The following CCDC148 variants were observed in gnomAD, a reference collection of about 807,000 sequenced individuals.
The protein encoded by CCDC148 is coiled-coil domain-containing protein 148.
A neutral mutation model predicts 85.7 loss-of-function variants in CCDC148; 89 were observed. The observed-to-expected ratio is 1.04, with a 90% CI of 0.87 to 1.24. CCDC148 has a LOEUF of 1.24. CCDC148 is among the 50% of genes most tolerant of loss of function. The probability of loss-of-function intolerance (pLI) is 0.00; values close to 1 mark genes in which losing one functional copy is unlikely to be tolerated. For synonymous variants in CCDC148, 230 were observed against 213.9 expected (o/e 1.08, Z -0.66); for missense variants, 692 against 671.7 (o/e 1.03, Z -0.33).
At chr2:158,395,325 A>T (rs1211564257) in intron 1 of CCDC148, among the ~76,000 whole-genome samples, 7 of 152,082 alleles carry the variant, frequency 4.6e-5, no homozygotes, top group African/African-American at 7.2e-5. Context: ...AATCAATGAC[A>T]CATATTTCTG....
At chr2:158,396,852 T>C (rs904769494) in intron 1 of CCDC148, among the ~76,000 whole-genome samples, 1 of 152,112 alleles carries the variant, frequency 6.6e-6, no homozygotes, top group Non-Finnish European at 1.5e-5. Context: ...TTACTTCTAG[T>C]AGCACTACCA....
In CCDC148 at chr2:158,374,560, C is replaced by T. The variant is rs78554604; in HGVS notation, c.26-15990G>A. Among the ~76,000 whole-genome samples, 53 of 151,946 alleles carry T rather than the reference C, an allele frequency of 3.5e-4. 1 individual carries two copies. The East Asian group carries it at 8.9e-3, about 26-fold the overall frequency. ...GAGAAAAAAAGCCTAAATGCCCACA[C>T]GTAGACCAAACTGAAGAGGATGCTG... On this transcript the variant is annotated intron_variant, in intron 1 of 13. Transcript: ENST00000283233.
At chr2:158,335,487 T>A (rs951131873) in intron 7 of CCDC148, among the ~76,000 whole-genome samples, 1 of 152,132 alleles carries the variant, frequency 6.6e-6, no homozygotes, top group Non-Finnish European at 1.5e-5. Flanking sequence ...AGATGTTTAA[T>A]TGACTCACAG....
intron 7 of CCDC148, among the ~76,000 whole-genome samples, chr2:158,328,843 C>A (rs1356945990): frequency 6.6e-6 from 1 of 152,046 alleles, no homozygotes; most frequent in Non-Finnish European, 1.5e-5. Context: ...TATCCTTCAC[C>A]CACTTTTTGA....
chr2:158,337,013 C>T (rs1332706837), intron 7 of CCDC148, among the ~76,000 whole-genome samples: 2 of 152,180 alleles, frequency 1.3e-5, no homozygotes, highest in African/African-American at 2.4e-5. Flanking sequence ...TTCATCTAAT[C>T]CTCCACTTAA....
rs780530986 is a variant in CCDC148 at position 158,339,045 on chromosome 2, C to G, written c.527G>C (p.Arg176Thr). 6.2e-7 allele frequency: 1 copy of G among 1,613,770 alleles called. No homozygotes were observed. The highest frequency in any genetic ancestry group is 1.3e-5 in the African/African-American group (1 of 74,910). Reference sequence around the variant, plus strand: ...TATTCTCTGTTGCTCCAGCCTAAGTCTTTCAAAGACAGTTTTCAATTGTTT... The same window carrying G: ...TATTCTCTGTTGCTCCAGCCTAAGTGTTTCAAAGACAGTTTTCAATTGTTT... ...VKKQLKTVFERLRLEQQRIEN... is the reference protein window; with the variant it reads ...VKKQLKTVFETLRLEQQRIEN... Residue 176 changes from arginine (R) to threonine (T), a missense_variant, in exon 6 of 14, where the codon AGA (arginine) becomes ACA (threonine). Physicochemically the swap from Arg to Thr is moderately conservative, Grantham distance 71. Coordinates refer to ENST00000283233, the MANE Select transcript of CCDC148 (RefSeq NM_138803.4).
chr2:158,307,451 G>A (rs548253969), intron 9 of CCDC148, among the ~76,000 whole-genome samples: 4 of 152,248 alleles, frequency 2.6e-5, no homozygotes, highest in Admixed American at 6.5e-5. Flanking sequence ...AACTGAATTC[G>A]GTTGCAAATT....
intron 1 of CCDC148, among the ~76,000 whole-genome samples, chr2:158,435,034 C>T (rs1394039811): frequency 1.3e-5 from 2 of 152,114 alleles, no homozygotes; most frequent in Non-Finnish European, 2.9e-5. Context: ...GAGAATGGAA[C>T]CAAGTTGGAA....
intron 1 of CCDC148, among the ~76,000 whole-genome samples, chr2:158,431,797 G>T (rs1366639335): frequency 6.6e-6 from 1 of 152,124 alleles, no homozygotes; most frequent in Non-Finnish European, 1.5e-5. Flanking sequence ...AATTAGCTGG[G>T]TGTGATGGTG....
chr2:158,214,121 T>A (rs1686721504), intron 11 of CCDC148, among the ~76,000 whole-genome samples: 1 of 96,628 alleles, frequency 1.0e-5, no homozygotes, highest in African/African-American at 3.9e-5. Flanking sequence ...AACATTGTGG[T>A]AAAAAAAAAA....
At chr2:158,428,560 A>G (rs1687180654) in intron 1 of CCDC148, among the ~76,000 whole-genome samples, 1 of 151,610 alleles carries the variant, frequency 6.6e-6, no homozygotes, top group Non-Finnish European at 1.5e-5. Flanking sequence ...GCTAGGCTGG[A>G]AATAGAAGTT....
chr2:158,173,655 G>A (rs1353833767), intron 13 of CCDC148, among the ~76,000 whole-genome samples: 3 of 151,962 alleles, frequency 2.0e-5, no homozygotes, highest in Non-Finnish European at 2.9e-5. Flanking sequence ...TCAGATACAG[G>A]GCTTGGGGCA....
At chr2:158,315,091 C>T (rs998541099) in intron 7 of CCDC148, among the ~76,000 whole-genome samples, 1 of 152,174 alleles carries the variant, frequency 6.6e-6, no homozygotes, top group African/African-American at 2.4e-5. Context: ...AAGAGGAATA[C>T]TCTAAAGTTC....
chr2:158,250,743 C>T (rs1390451488), intron 10 of CCDC148, 29 bp downstream of exon 10: 5 of 1,512,778 alleles, frequency 3.3e-6, no homozygotes, highest in Non-Finnish European at 4.4e-6. Flanking sequence ...CATTCATTCA[C>T]ACATTCGTAT....
At chr2:158,416,873 T>C (rs914133512) in intron 1 of CCDC148, among the ~76,000 whole-genome samples, 1 of 152,064 alleles carries the variant, frequency 6.6e-6, no homozygotes, top group African/African-American at 2.4e-5. Flanking sequence ...GGAGACTGAG[T>C]AATTTATAAA....
intron 7 of CCDC148, among the ~76,000 whole-genome samples, chr2:158,327,351 T>C (rs1023404000): frequency 6.6e-6 from 1 of 152,134 alleles, no homozygotes; most frequent in Non-Finnish European, 1.5e-5. Context: ...TCAAACTCTT[T>C]AAGCAAAAAA....
intron 1 of CCDC148, among the ~76,000 whole-genome samples, chr2:158,408,745 CATATATTTTTTGAATATAT>C (rs1686130643): frequency 6.6e-6 from 1 of 151,996 alleles, no homozygotes. Flanking sequence ...CCTTTGAATA[CATATATTTTTTGAATATAT>C]ATATATTTTT....
At chr2:158,446,228 G>C (rs1162816031) in intron 1 of CCDC148, among the ~76,000 whole-genome samples, 2 of 152,072 alleles carry the variant, frequency 1.3e-5, no homozygotes, top group Non-Finnish European at 2.9e-5. Flanking sequence ...GGTGGCCCAT[G>C]CCTGTAGTCC....
intron 10 of CCDC148, among the ~76,000 whole-genome samples, chr2:158,237,733 T>C (rs1020650858): frequency 1.3e-5 from 2 of 152,098 alleles, no homozygotes; most frequent in African/African-American, 4.8e-5. Flanking sequence ...AGGAAATAAA[T>C]GGTATACGAA....
Sources: gnomAD v4.1 joint callset for allele counts (sites outside exome capture counted in the v4.1 genomes callset) on GRCh38, gnomAD v4.1.1 for gene constraint, MANE v1.5 for transcripts, NCBI Gene and HGNC (gene_info 2026-07-23, HGNC 2026-07-21) for gene names.